Variants in EPHA4 observed in about 807,000 individuals in gnomAD.
The protein encoded by EPHA4 is ephrin type-A receptor 4.
A neutral mutation model predicts 108.3 loss-of-function variants in EPHA4; 19 were observed. That is an observed-to-expected ratio of 0.18 (90% CI 0.12 to 0.26). The LOEUF is 0.26. Among genes scored for constraint, EPHA4 ranks in the 10% least tolerant of loss-of-function variants. EPHA4 has a pLI of 1.00. For synonymous variants in EPHA4, 449 were observed against 455.5 expected (o/e 0.99, Z 0.18); for missense variants, 917 against 1,254.0 (o/e 0.73, Z 4.06).
chr2:221,427,961 C>T (rs555001332), intron 15 of EPHA4, among the ~76,000 whole-genome samples: 28 of 151,928 alleles, frequency 1.8e-4, no homozygotes, highest in African/African-American at 6.5e-4. Context: ...CTTTTGTGTC[C>T]ATTATTTCAA....
intron 10 of EPHA4, 81 bp from the exon 11 acceptor site, chr2:221,443,095 T>C (rs1305868982): frequency 1.4e-6 from 2 of 1,424,984 alleles, no homozygotes; most frequent in Non-Finnish European, 1.9e-6. Context: ...CCTTGAGTGC[T>C]TGTTACACGC....
intron 3 of EPHA4, among the ~76,000 whole-genome samples, chr2:221,507,696 A>G (rs1371290743): frequency 6.6e-6 from 1 of 152,186 alleles, no homozygotes; most frequent in African/African-American, 2.4e-5. Flanking sequence ...CTCAATCCCA[A>G]GACTGAGATA....
At chr2:221,541,048 G>A (rs1306772850) in intron 3 of EPHA4, among the ~76,000 whole-genome samples, 1 of 151,486 alleles carries the variant, frequency 6.6e-6, no homozygotes, top group African/African-American at 2.4e-5. Context: ...CTGGGTTCAG[G>A]TGAGCCTCCC....
At chr2:221,543,822 C>G (rs574655375) in intron 3 of EPHA4, among the ~76,000 whole-genome samples, 1 of 152,080 alleles carries the variant, frequency 6.6e-6, no homozygotes, top group Non-Finnish European at 1.5e-5. Context: ...GTCCTGGTCA[C>G]GGGGGTGGAA....
At chr2:221,426,441 G>A (rs371380476) in intron 16 of EPHA4, 23 bp downstream of exon 16, 62 of 1,576,470 alleles carry the variant, frequency 3.9e-5, no homozygotes, top group Admixed American at 8.1e-5. Flanking sequence ...TTACCCTTTC[G>A]TGTTACATCG....
chr2:221,430,624 T>C (rs1690043476), intron 14 of EPHA4, among the ~76,000 whole-genome samples: 1 of 152,226 alleles, frequency 6.6e-6, no homozygotes, highest in African/African-American at 2.4e-5. Context: ...TTTAAGGCCC[T>C]GTCCTCTTAC....
intron 3 of EPHA4, among the ~76,000 whole-genome samples, chr2:221,522,786 G>A (rs1458443076): frequency 3.3e-5 from 5 of 149,632 alleles, no homozygotes; most frequent in Admixed American, 6.8e-5. Context: ...TTTTTGAGAC[G>A]GAGTCTCCCT....
At chr2:221,462,900 C>T (rs1386043825) in intron 5 of EPHA4, among the ~76,000 whole-genome samples, 2 of 152,220 alleles carry the variant, frequency 1.3e-5, no homozygotes, top group Non-Finnish European at 2.9e-5. Flanking sequence ...CTGCATTTCT[C>T]CTCTGTATCT....
intron 3 of EPHA4, among the ~76,000 whole-genome samples, chr2:221,517,680 T>C (rs905194565): frequency 2.0e-5 from 3 of 152,150 alleles, no homozygotes; most frequent in Non-Finnish European, 4.4e-5. Flanking sequence ...ACAAGTGACA[T>C]ACAAAGCAAA....
chr2:221,480,315 T>C (rs1441806229), intron 5 of EPHA4, among the ~76,000 whole-genome samples: 1 of 152,164 alleles, frequency 6.6e-6, no homozygotes, highest in Non-Finnish European at 1.5e-5. Flanking sequence ...AGTCCATCCC[T>C]ACTTATAATT....
At chr2:221,433,677 A>C (rs1274844755) in intron 14 of EPHA4, among the ~76,000 whole-genome samples, 1 of 152,216 alleles carries the variant, frequency 6.6e-6, no homozygotes, top group Non-Finnish European at 1.5e-5. Context: ...AGGGTCATTG[A>C]GTGAAGCTTT....
intron 3 of EPHA4, among the ~76,000 whole-genome samples, chr2:221,560,048 C>A (rs1694415271): frequency 6.6e-6 from 1 of 152,152 alleles, no homozygotes; most frequent in East Asian, 1.9e-4. Context: ...TCCCCAAGGT[C>A]CTTTGACGAC....
At chr2:221,566,230 T>C (rs1202645776) in intron 2 of EPHA4, among the ~76,000 whole-genome samples, 1 of 150,832 alleles carries the variant, frequency 6.6e-6, no homozygotes, top group African/African-American at 2.4e-5. Context: ...AATCAAGTTG[T>C]TTTTTTTTCT....
rs115860698 is a variant in EPHA4, at chr2:221,501,827, G to A, written c.824-655C>T. The stretch of plus-strand genomic sequence containing the variant: ...TAAAAAAGACGAGCTTGTAAGGCAC[G>A]GGTCACAGTTTCAGGGTGAAATAAC... On this transcript the variant is annotated intron_variant, in intron 3 of 17. Coordinates refer to ENST00000281821, the MANE Select transcript of EPHA4 (RefSeq NM_004438.5). Among the ~76,000 whole-genome samples, 243 of 152,256 alleles carry A rather than the reference G, an allele frequency of 1.6e-3. 2 individuals are homozygous for A. Among genetic ancestry groups the A allele is most frequent in the African/African-American group, 5.5e-3 (230 of 41,540 alleles).
intron 15 of EPHA4, among the ~76,000 whole-genome samples, chr2:221,427,718 CATT>C (rs969729407): frequency 6.6e-6 from 1 of 152,150 alleles, no homozygotes; most frequent in African/African-American, 2.4e-5. Flanking sequence ...ACAATTATAT[CATT>C]ACTACTAAAT....
At chr2:221,497,542 C>T (rs190269443) in intron 4 of EPHA4, among the ~76,000 whole-genome samples, 99 of 152,176 alleles carry the variant, frequency 6.5e-4, no homozygotes, top group African/African-American at 2.2e-3. Flanking sequence ...AGTTCAAGAC[C>T]AGTCTGGCCG....
intron 5 of EPHA4, among the ~76,000 whole-genome samples, chr2:221,460,772 A>T (rs1691114100): frequency 6.6e-6 from 1 of 152,116 alleles, no homozygotes; most frequent in African/African-American, 2.4e-5. Context: ...CCTATGGGTC[A>T]TTTCCCTAGA....
At chr2:221,517,182 A>G (rs900893091) in intron 3 of EPHA4, among the ~76,000 whole-genome samples, 9 of 152,194 alleles carry the variant, frequency 5.9e-5, no homozygotes, top group African/African-American at 1.9e-4. Context: ...AAGGTGGTTC[A>G]TAGGGGATCT....
chr2:221,501,355 G>A, intron 3 of EPHA4, 183 bp from the exon 4 acceptor site: 1 of 483,888 alleles, frequency 2.1e-6, no homozygotes, highest in Non-Finnish European at 3.5e-6. Context: ...GCTCTTTAAG[G>A]GCCATTAACA....
Sources: gnomAD v4.1 joint callset for allele counts (sites outside exome capture counted in the v4.1 genomes callset) on GRCh38, gnomAD v4.1.1 for gene constraint, MANE v1.5 for transcripts, NCBI Gene and HGNC (gene_info 2026-07-23, HGNC 2026-07-21) for gene names.